CHST9: variants seen among roughly 807,000 people sequenced by gnomAD.
CHST9 encodes the protein carbohydrate sulfotransferase 9.
Under a neutral mutation model 44.4 loss-of-function variants are expected in CHST9, and 41 were observed. The ratio of observed to expected loss-of-function variants is 0.92; its 90% CI spans 0.72 to 1.20. The LOEUF (loss-of-function observed/expected upper bound fraction) is 1.20. CHST9 is among the 50% of genes most tolerant of loss of function. CHST9 has a pLI of 0.00. For synonymous variants in CHST9, 171 were observed against 178.4 expected, an observed-to-expected ratio of 0.96 and a Z score of 0.33; for missense variants, 504 against 516.5, an observed-to-expected ratio of 0.98 and a Z score of 0.23.
At chr18:27,005,832 C>G in intron 4 of CHST9, among the ~76,000 whole-genome samples, 1 of 152,102 alleles carries the variant, frequency 6.6e-6, no homozygotes, top group Non-Finnish European at 1.5e-5. Flanking sequence ...TTGAACAGTT[C>G]TGCCCTTGCA....
chr18:26,929,232 C>T (rs2145081515), intron 5 of CHST9, among the ~76,000 whole-genome samples: 1 of 152,302 alleles, frequency 6.6e-6, no homozygotes, highest in Admixed American at 6.5e-5. Flanking sequence ...AATTCTGTTG[C>T]TCAGAGAAGG....
chr18:27,125,324 G>A (rs1206106044), intron 2 of CHST9, among the ~76,000 whole-genome samples: 1 of 152,142 alleles, frequency 6.6e-6, no homozygotes, highest in Non-Finnish European at 1.5e-5. Flanking sequence ...TATGTCTATT[G>A]TTTTTCATTT....
At chr18:26,920,676 G>A (rs2055633796) in intron 5 of CHST9, among the ~76,000 whole-genome samples, 1 of 152,166 alleles carries the variant, frequency 6.6e-6, no homozygotes. Context: ...ACTGTTTTAT[G>A]ACCTTGTTGA....
chr18:27,115,737 T>C (rs2058314047), intron 2 of CHST9, among the ~76,000 whole-genome samples: 1 of 152,192 alleles, frequency 6.6e-6, no homozygotes, highest in Non-Finnish European at 1.5e-5. Flanking sequence ...GGTCTTGAAC[T>C]CCTGGGCTCA....
At chr18:27,037,291 G>A (rs562148028) in intron 3 of CHST9, among the ~76,000 whole-genome samples, 5 of 152,042 alleles carry the variant, frequency 3.3e-5, no homozygotes, top group South Asian at 2.1e-4. Flanking sequence ...CATGAGTAAC[G>A]ATAATGAATT....
At chr18:26,923,488 C>T (rs1276149467) in intron 5 of CHST9, among the ~76,000 whole-genome samples, 1 of 152,118 alleles carries the variant, frequency 6.6e-6, no homozygotes, top group Non-Finnish European at 1.5e-5. Flanking sequence ...GAATATCATT[C>T]CTGCACTGCT....
At chr18:26,985,218 T>C (rs1011128506) in intron 4 of CHST9, among the ~76,000 whole-genome samples, 2 of 152,156 alleles carry the variant, frequency 1.3e-5, no homozygotes, top group Admixed American at 6.5e-5. Context: ...CATAAGCATA[T>C]GATTAAGCAA....
intron 1 of CHST9, among the ~76,000 whole-genome samples, chr18:27,161,504 A>G (rs956943273): frequency 6.6e-6 from 1 of 152,134 alleles, no homozygotes; most frequent in Admixed American, 6.6e-5. Flanking sequence ...ATTCTTTTAC[A>G]TTTGCTGAGA....
intron 3 of CHST9, among the ~76,000 whole-genome samples, chr18:27,045,730 A>G (rs1338658357): frequency 6.6e-6 from 1 of 152,044 alleles, no homozygotes; most frequent in Non-Finnish European, 1.5e-5. Context: ...AAAAATGACA[A>G]TGAATGATAC....
At chr18:26,920,493 G>A (rs1028494693) in intron 5 of CHST9, among the ~76,000 whole-genome samples, 1 of 151,792 alleles carries the variant, frequency 6.6e-6, no homozygotes, top group African/African-American at 2.4e-5. Context: ...TTCCTTCTCT[G>A]TTGTCTTTTT....
intron 2 of CHST9, among the ~76,000 whole-genome samples, chr18:27,070,613 GACTT>G (rs2057827997): frequency 6.6e-6 from 1 of 152,146 alleles, no homozygotes; most frequent in Non-Finnish European, 1.5e-5. Flanking sequence ...TGTTTATTGA[GACTT>G]ACCATATGTC....
intron 2 of CHST9, among the ~76,000 whole-genome samples, chr18:27,069,579 T>C (rs1281341667): frequency 6.6e-6 from 1 of 152,214 alleles, no homozygotes; most frequent in Non-Finnish European, 1.5e-5. Context: ...GGATTGCAGA[T>C]GCCAACCATT....
At chr18:27,010,666 C>T (rs1352426288) in intron 4 of CHST9, among the ~76,000 whole-genome samples, 1 of 152,110 alleles carries the variant, frequency 6.6e-6, no homozygotes, top group Non-Finnish European at 1.5e-5. Flanking sequence ...GAGGATTGAA[C>T]GAGAGAGAGT....
chr18:27,110,093 G>A (rs2058257402), intron 2 of CHST9, among the ~76,000 whole-genome samples: 1 of 151,708 alleles, frequency 6.6e-6, no homozygotes, highest in Non-Finnish European at 1.5e-5. Flanking sequence ...TACTATAAAA[G>A]TGTAAAGATT....
chr18:27,121,924 G>C (rs1417427129), intron 2 of CHST9, among the ~76,000 whole-genome samples: 2 of 152,192 alleles, frequency 1.3e-5, no homozygotes, highest in Non-Finnish European at 2.9e-5. Context: ...TTAAAACCCA[G>C]AGTTCTGTAC....
At chr18:27,152,147 T>C (rs1445262569) in intron 1 of CHST9, among the ~76,000 whole-genome samples, 1 of 152,194 alleles carries the variant, frequency 6.6e-6, no homozygotes, top group Non-Finnish European at 1.5e-5. Flanking sequence ...AATTTATAGG[T>C]GCTTCCTTAT....
intron 3 of CHST9, among the ~76,000 whole-genome samples, chr18:27,037,981 TAA>T (rs1255809810): frequency 2.6e-5 from 4 of 152,092 alleles, no homozygotes; most frequent in African/African-American, 4.8e-5. Flanking sequence ...ATTACAACTA[TAA>T]TTAGGATACC....
intron 1 of CHST9, among the ~76,000 whole-genome samples, chr18:27,162,574 A>C (rs952308248): frequency 2.0e-5 from 3 of 152,014 alleles, no homozygotes; most frequent in African/African-American, 7.3e-5. Context: ...GGTGAATCTG[A>C]CAATTATGTG....
intron 5 of CHST9, 59 bp from the exon 6 acceptor site, chr18:26,917,409 A>G: frequency 6.6e-7 from 1 of 1,523,520 alleles, no homozygotes; most frequent in Non-Finnish European, 8.8e-7. Context: ...GGTATACTGG[A>G]TAAGGAACTT....
Sources: gnomAD v4.1 joint callset for allele counts (sites outside exome capture counted in the v4.1 genomes callset) on GRCh38, gnomAD v4.1.1 for gene constraint, MANE v1.5 for transcripts, NCBI Gene and HGNC (gene_info 2026-07-23, HGNC 2026-07-21) for gene names.